Variants in SGIP1 observed in about 807,000 individuals in gnomAD.
SGIP1 encodes SH3-containing GRB2-like protein 3-interacting protein 1.
In SGIP1, 38 loss-of-function variants were observed where a neutral mutation model predicts 107.5. The observed-to-expected ratio is 0.35, with a 90% CI of 0.27 to 0.46. The LOEUF (loss-of-function observed/expected upper bound fraction) is 0.46, where lower values mean the gene tolerates loss of function less well. Ranked by LOEUF, SGIP1 falls within the 20% of genes least tolerant of loss-of-function variation. The probability of loss-of-function intolerance (pLI) is 1.00; values close to 1 mark genes in which losing one functional copy is unlikely to be tolerated. For missense variants in SGIP1, 929 were observed against 1,019.5 expected (o/e 0.91, Z 1.21); for synonymous variants, 365 against 366.1 (o/e 1.00, Z 0.03).
At chr1:66,682,854 T>C (rs184330441) in intron 15 of SGIP1, among the ~76,000 whole-genome samples, 1 of 152,010 alleles carries the variant, frequency 6.6e-6, no homozygotes, top group Non-Finnish European at 1.5e-5. Context: ...TCTTTTTTGG[T>C]TGTGGAAGAA....
intron 1 of SGIP1, among the ~76,000 whole-genome samples, chr1:66,587,678 T>G (rs896298202): frequency 1.3e-5 from 2 of 152,136 alleles, no homozygotes; most frequent in Non-Finnish European, 2.9e-5. Flanking sequence ...CTAATTCTAG[T>G]TGACATTACC....
At chr1:66,667,902 A>G (rs549862384) in intron 9 of SGIP1, among the ~76,000 whole-genome samples, 1 of 152,334 alleles carries the variant, frequency 6.6e-6, no homozygotes, top group East Asian at 1.9e-4. Context: ...ATAATAAAGA[A>G]TAATAAAATG....
At chr1:66,615,608 T>G (rs2069092023) in intron 1 of SGIP1, among the ~76,000 whole-genome samples, 1 of 152,234 alleles carries the variant, frequency 6.6e-6, no homozygotes, top group Non-Finnish European at 1.5e-5. Flanking sequence ...TATTTTCTTT[T>G]GAATTCATTT....
intron 1 of SGIP1, among the ~76,000 whole-genome samples, chr1:66,554,089 G>C (rs1226105882): frequency 6.6e-6 from 1 of 152,102 alleles, no homozygotes; most frequent in Non-Finnish European, 1.5e-5. Context: ...AACATACTTT[G>C]TTCCATTACC....
intron 7 of SGIP1, among the ~76,000 whole-genome samples, chr1:66,653,059 G>A (rs918142678): frequency 6.6e-6 from 1 of 152,134 alleles, no homozygotes; most frequent in Non-Finnish European, 1.5e-5. Flanking sequence ...CTAAATCCCA[G>A]ACATGGGCTT....
At chr1:66,599,597 T>C (rs2065362326) in intron 1 of SGIP1, among the ~76,000 whole-genome samples, 1 of 152,240 alleles carries the variant, frequency 6.6e-6, no homozygotes. Flanking sequence ...TATGAAAAGA[T>C]AGACTTCCAT....
chr1:66,693,047 G>A (rs941492908), intron 17 of SGIP1, among the ~76,000 whole-genome samples: 1 of 151,892 alleles, frequency 6.6e-6, no homozygotes, highest in Non-Finnish European at 1.5e-5. Context: ...TACTGGTTGA[G>A]CTAAGATAAA....
At chr1:66,596,874 A>G (rs1349191330) in intron 1 of SGIP1, among the ~76,000 whole-genome samples, 2 of 152,260 alleles carry the variant, frequency 1.3e-5, no homozygotes, top group African/African-American at 2.4e-5. Context: ...TCAATTGAGT[A>G]TCAAATAAAG....
chr1:66,594,476 C>T (rs2064233813), intron 1 of SGIP1, among the ~76,000 whole-genome samples: 1 of 152,102 alleles, frequency 6.6e-6, no homozygotes, highest in Admixed American at 6.6e-5. Flanking sequence ...TGGTTCACAA[C>T]TAAGCAAAGT....
At chr1:66,718,339 T>A (rs892262721) in intron 18 of SGIP1, among the ~76,000 whole-genome samples, 1 of 151,982 alleles carries the variant, frequency 6.6e-6, no homozygotes, top group African/African-American at 2.4e-5. Context: ...AAATCTTAAA[T>A]GTTGATACTT....
intron 21 of SGIP1, among the ~76,000 whole-genome samples, chr1:66,735,953 T>C (rs1187786616): frequency 8.6e-5 from 13 of 151,656 alleles, no homozygotes; most frequent in Admixed American, 8.6e-4. Flanking sequence ...GTTCAGATTA[T>C]TTTTCTTCAA....
At chr1:66,616,335 G>A (rs12141816) in intron 1 of SGIP1, among the ~76,000 whole-genome samples, 19,473 of 152,110 alleles carry the variant, frequency 0.13, 1,339 homozygotes, top group Admixed American at 0.18. Context: ...GTCATTTAGT[G>A]TCTTTTATGT....
rs74563098 is a variant in SGIP1 at position 66,620,181 on chromosome 1, A to G, written c.11-5666A>G. On this transcript the variant is annotated intron_variant, in intron 1 of 24. Coordinates refer to ENST00000371037, the MANE Select transcript of SGIP1 (RefSeq NM_032291.4). Reference sequence around the variant, plus strand: ...GTTTCTTCTTCACCTGCAGGTCTGTATACTCTTAAAGCCAGGAAATTCTAA... The same window carrying G: ...GTTTCTTCTTCACCTGCAGGTCTGTGTACTCTTAAAGCCAGGAAATTCTAA... 2.9e-3 allele frequency among the ~76,000 whole-genome samples: 435 copies of G among 152,278 alleles called. 15 individuals carry two copies. The East Asian group carries it at 0.068, about 24-fold the overall frequency.
Position 66,718,499 on chromosome 1 carries a change from G to A in SGIP1, c.1631-795G>A, listed in dbSNP as rs188522836. 6.6e-5 allele frequency among the ~76,000 whole-genome samples: 10 copies of A among 151,936 alleles called. No homozygotes were observed. In the East Asian group the frequency reaches 1.4e-3, roughly 21 times the overall value. On this transcript the variant is annotated intron_variant, in intron 18 of 24. Coordinates refer to ENST00000371037, the MANE Select transcript of SGIP1 (RefSeq NM_032291.4). The stretch of plus-strand genomic sequence containing the variant: ...CCATTTAACTAACTATATTATCTTG[G>A]GCAAGTCACTTACATGGAGCTTCTG...
chr1:66,538,078 A>C (rs1377925093), intron 1 of SGIP1, among the ~76,000 whole-genome samples: 1 of 152,174 alleles, frequency 6.6e-6, no homozygotes, highest in Non-Finnish European at 1.5e-5. Flanking sequence ...TCATTATTTA[A>C]AAAATTTTGC....
At chr1:66,673,162 T>C in intron 11 of SGIP1, 119 bp from the exon 12 acceptor site, 1 of 958,088 alleles carries the variant, frequency 1.0e-6, no homozygotes, top group South Asian at 1.4e-5. Context: ...CATGCATGCA[T>C]GCACTGGTGC....
At chr1:66,537,508 A>G (rs1359342333) in intron 1 of SGIP1, among the ~76,000 whole-genome samples, 1 of 152,076 alleles carries the variant, frequency 6.6e-6, no homozygotes, top group East Asian at 1.9e-4. Flanking sequence ...CTATCTGTCT[A>G]TTTGTGAGGG....
intron 4 of SGIP1, among the ~76,000 whole-genome samples, chr1:66,637,490 T>C (rs1033260177): frequency 1.4e-4 from 21 of 148,562 alleles, no homozygotes; most frequent in Admixed American, 1.4e-4. Flanking sequence ...TGTGTGTGTG[T>C]TGAATATCTG....
chr1:66,613,332 G>GTA (rs35758231), intron 1 of SGIP1, among the ~76,000 whole-genome samples: 2 of 149,564 alleles, frequency 1.3e-5, no homozygotes, highest in Non-Finnish European at 3.0e-5. Context: ...GTTTTTTTGT[G>GTA]TTTTGTTTTG....
Sources: allele counts gnomAD v4.1 joint callset (sites outside exome capture counted in the v4.1 genomes callset), GRCh38; gene constraint gnomAD v4.1.1; transcripts MANE v1.5; gene names NCBI Gene and HGNC (gene_info 2026-07-23, HGNC 2026-07-21).